Variants in RICTOR observed in about 807,000 individuals in gnomAD.
The protein encoded by RICTOR is RPTOR independent companion of MTOR complex 2.
A neutral mutation model predicts 214.9 loss-of-function variants in RICTOR; 49 were observed. The observed-to-expected ratio is 0.23, with a 90% CI of 0.18 to 0.29. The LOEUF (loss-of-function observed/expected upper bound fraction) is 0.29, where lower values mean the gene tolerates loss of function less well. Among genes scored for constraint, RICTOR ranks in the 10% least tolerant of loss-of-function variants. RICTOR has a pLI of 1.00. For synonymous variants in RICTOR, 717 were observed against 711.3 expected, an observed-to-expected ratio of 1.01 and a Z score of -0.13; for missense variants, 1,625 against 2,047.0, an observed-to-expected ratio of 0.79 and a Z score of 3.98.
At chr5:39,062,743 T>A (rs1011683113) in intron 2 of RICTOR, among the ~76,000 whole-genome samples, 3 of 152,132 alleles carry the variant, frequency 2.0e-5, no homozygotes, top group Non-Finnish European at 2.9e-5. Flanking sequence ...CTATTCATTA[T>A]AGGAAACACA....
intron 2 of RICTOR, among the ~76,000 whole-genome samples, chr5:39,071,550 T>G (rs574391670): frequency 3.3e-5 from 5 of 152,220 alleles, no homozygotes; most frequent in African/African-American, 9.6e-5. Flanking sequence ...ACTTTTCACA[T>G]TCTTAACCCT....
intron 3 of RICTOR, among the ~76,000 whole-genome samples, chr5:39,004,893 T>C (rs1753925802): frequency 6.8e-6 from 1 of 147,318 alleles, no homozygotes; most frequent in African/African-American, 2.5e-5. Flanking sequence ...GCGATTCCCC[T>C]GCTTCAGCCT....
intron 2 of RICTOR, among the ~76,000 whole-genome samples, chr5:39,058,944 G>C (rs1758367020): frequency 6.6e-6 from 1 of 151,926 alleles, no homozygotes; most frequent in Admixed American, 6.6e-5. Context: ...TTATTAACTG[G>C]CCAAAACCTG....
At chr5:38,978,493 T>C in intron 9 of RICTOR, 90 bp downstream of exon 9, 1 of 527,100 alleles carries the variant, frequency 1.9e-6, no homozygotes, top group Non-Finnish European at 3.3e-6. Flanking sequence ...CTCACATTTC[T>C]CTGGCTGTAC....
At position 38,945,500 on chromosome 5, in the gene RICTOR, T is replaced by C. The variant is rs1329515553; in HGVS notation, c.4624A>G (p.Ser1542Gly). The C allele has an allele frequency of 6.2e-7, 1 of 1,607,944 alleles. No homozygotes were observed. The highest frequency in any genetic ancestry group is 2.2e-5 in the East Asian group (1 of 44,848). Reference sequence around the variant, plus strand: ...GGACGTGATCACTTACCTGAATGACTACATATTGCACTCAGTTGGTTGCTG... The same window carrying C: ...GGACGTGATCACTTACCTGAATGACCACATATTGCACTCAGTTGGTTGCTG... ...QPSNQLSAIC[S>G]HSDFQDIPYS... The change falls in exon 34 of 38, where the codon AGT becomes GGT. Residue 1542 changes from serine (S) to glycine (G), a missense_variant. Physicochemically the swap from Ser to Gly is moderately conservative, Grantham distance 56 (BLOSUM62 0). Coordinates refer to ENST00000357387, the MANE Select transcript of RICTOR (RefSeq NM_152756.5).
intron 11 of RICTOR, chr5:38,970,830 A>G: frequency 6.6e-6 from 1 of 152,278 alleles, no homozygotes; most frequent in South Asian, 2.1e-4. Flanking sequence ...CAAAACCACC[A>G]TCGTTAAAAT....
intron 2 of RICTOR, among the ~76,000 whole-genome samples, chr5:39,072,675 G>C (rs1759403977): frequency 1.3e-5 from 2 of 152,118 alleles, no homozygotes; most frequent in South Asian, 4.1e-4. Flanking sequence ...TTATAGTCAA[G>C]TTTCCAAACA....
rs894174002 is a variant in RICTOR, at chr5:38,958,946, T to C, written c.2179-115A>G. The C allele has an allele frequency of 1.3e-5, 10 of 792,144 alleles. No homozygotes were observed. The African/African-American group carries it at 1.8e-4, about 14-fold the overall frequency. The allele number at this position is 792,144 out of a possible 1,614,324, so 49.1% of individuals were successfully genotyped here. A position where few individuals can be genotyped will look rare whatever the true frequency, so the allele number is the denominator to read the frequency against. On this transcript the variant is annotated intron_variant, in intron 22 of 37. Transcript: ENST00000357387. ...AAAAGGGAAGAATGCCTGGAATTGG[T>C]GGTCTAGCCCTTGATATGAATACTT...
chr5:38,964,120 A>T (rs1750020849), intron 16 of RICTOR, among the ~76,000 whole-genome samples: 1 of 151,880 alleles, frequency 6.6e-6, no homozygotes, highest in Non-Finnish European at 1.5e-5. Flanking sequence ...TATGTTTTTG[A>T]TCATAATAAC....
intron 8 of RICTOR, among the ~76,000 whole-genome samples, chr5:38,980,544 T>C (rs1305183493): frequency 6.6e-6 from 1 of 152,050 alleles, no homozygotes; most frequent in African/African-American, 2.4e-5. Flanking sequence ...GTGTGATATA[T>C]AGGAATAAAA....
At chr5:39,056,130 G>C (rs950361946) in intron 2 of RICTOR, among the ~76,000 whole-genome samples, 1 of 152,148 alleles carries the variant, frequency 6.6e-6, no homozygotes, top group Non-Finnish European at 1.5e-5. Flanking sequence ...CAGCAAAATT[G>C]GTCAGGAGCC....
chr5:38,961,116 C>T (rs1054524222), intron 19 of RICTOR, among the ~76,000 whole-genome samples: 2 of 150,486 alleles, frequency 1.3e-5, no homozygotes, highest in African/African-American at 4.9e-5. Flanking sequence ...CCAAAAAAAA[C>T]CCCAAAAACC....
intron 3 of RICTOR, among the ~76,000 whole-genome samples, chr5:39,009,110 T>G (rs1052694877): frequency 6.6e-6 from 1 of 152,154 alleles, no homozygotes; most frequent in Non-Finnish European, 1.5e-5. Context: ...TGAAAGGTTG[T>G]AAAATTCTAC....
chr5:38,969,196 T>A (rs977608622), intron 11 of RICTOR, among the ~76,000 whole-genome samples: 1 of 151,934 alleles, frequency 6.6e-6, no homozygotes, highest in African/African-American at 2.4e-5. Context: ...GGTCTCGAAC[T>A]CCTGACCTCA....
intron 33 of RICTOR, 139 bp downstream of exon 33, chr5:38,946,329 A>G (rs1748186312): frequency 4.9e-6 from 3 of 613,426 alleles, no homozygotes; most frequent in Non-Finnish European, 8.8e-6. Flanking sequence ...GCTGACTTTA[A>G]CAATTGTTTT....
intron 6 of RICTOR, among the ~76,000 whole-genome samples, chr5:38,994,419 TAAAA>T (rs869254811): frequency 0.07 from 3,970 of 57,004 alleles, 109 homozygotes; most frequent in African/African-American, 0.12. Context: ...AAGGTTTTAC[TAAAA>T]AAAAAAAAAA....
At chr5:39,036,312 G>T (rs1474356925) in intron 2 of RICTOR, among the ~76,000 whole-genome samples, 3 of 152,234 alleles carry the variant, frequency 2.0e-5, no homozygotes, top group African/African-American at 4.8e-5. Context: ...AGCTCCTGAA[G>T]GAAGCACTAA....
chr5:38,975,821 C>T (rs550419356), intron 9 of RICTOR, among the ~76,000 whole-genome samples: 2 of 152,326 alleles, frequency 1.3e-5, no homozygotes, highest in East Asian at 3.9e-4. Context: ...GTCATAAATT[C>T]TGCTTTTCTA....
At chr5:39,041,715 C>G (rs971530810) in intron 2 of RICTOR, among the ~76,000 whole-genome samples, 3 of 151,974 alleles carry the variant, frequency 2.0e-5, no homozygotes, top group African/African-American at 7.3e-5. Flanking sequence ...AAATTTTCTA[C>G]CAGCTGTAGT....
Sources: gnomAD v4.1 joint callset for allele counts (sites outside exome capture counted in the v4.1 genomes callset) on GRCh38, gnomAD v4.1.1 for gene constraint, MANE v1.5 for transcripts, NCBI Gene and HGNC (gene_info 2026-07-23, HGNC 2026-07-21) for gene names.